TRPC6: variants seen among roughly 807,000 people sequenced by gnomAD.
The protein encoded by TRPC6 is short transient receptor potential channel 6.
Under a neutral mutation model 90.7 loss-of-function variants are expected in TRPC6, and 55 were observed. That is an observed-to-expected ratio of 0.61 (90% CI 0.49 to 0.76). The LOEUF (loss-of-function observed/expected upper bound fraction) is 0.76, where lower values mean the gene tolerates loss of function less well. Among genes scored for constraint, TRPC6 ranks in the 30% least tolerant of loss-of-function variants. The pLI is 0.00. For missense variants in TRPC6, 989 were observed against 1,122.7 expected, an observed-to-expected ratio of 0.88 and a Z score of 1.70; for synonymous variants, 393 against 393.0, an observed-to-expected ratio of 1.00 and a Z score of 0.00.
intron 1 of TRPC6, among the ~76,000 whole-genome samples, chr11:101,542,619 A>AAC (rs1431228993): frequency 2.6e-5 from 4 of 151,948 alleles, no homozygotes; most frequent in Non-Finnish European, 5.9e-5. Flanking sequence ...TAAAAAAAAA[A>AAC]ACACAAGAAA....
intron 4 of TRPC6, among the ~76,000 whole-genome samples, chr11:101,487,701 T>C (rs1487298010): frequency 1.3e-5 from 2 of 152,178 alleles, no homozygotes; most frequent in Admixed American, 1.3e-4. Flanking sequence ...AATTGCACTA[T>C]TTTCATTTTA....
Position 101,471,356 on chromosome 11 carries a change from T to C in TRPC6, c.2236A>G (p.Arg746Gly). The C allele has an allele frequency of 6.2e-7, 1 of 1,613,888 alleles. No homozygotes were observed. The highest frequency in any genetic ancestry group is 8.5e-7 in the Non-Finnish European group (1 of 1,179,838). Residue 746 changes from arginine (R) to glycine (G), a missense_variant, in exon 9 of 13, where the codon AGG (arginine) becomes GGG (glycine). By Grantham distance (125) the Arg-to-Gly change is moderately radical (BLOSUM62 -2). Transcript: ENST00000344327. ...AAGTAGGAAAACCAGAGTTTGGCCC[T>C]TGCAAATTTCCACTCCACATCAGCG... ...DDADVEWKFARAKLWFSYFEE... is the reference protein window; with the variant it reads ...DDADVEWKFAGAKLWFSYFEE...
At chr11:101,507,845 T>C (rs191200789) in intron 1 of TRPC6, among the ~76,000 whole-genome samples, 1 of 152,222 alleles carries the variant, frequency 6.6e-6, no homozygotes, top group East Asian at 1.9e-4. Context: ...TTAGAAATAG[T>C]CTTGCCCTAT....
At chr11:101,498,254 T>A (rs1251458534) in intron 2 of TRPC6, among the ~76,000 whole-genome samples, 4 of 152,332 alleles carry the variant, frequency 2.6e-5, no homozygotes, top group East Asian at 3.9e-4. Flanking sequence ...AAGCTTAAGA[T>A]GGCTGAGGTC....
At chr11:101,531,825 C>T (rs1026553847) in intron 1 of TRPC6, among the ~76,000 whole-genome samples, 2 of 152,134 alleles carry the variant, frequency 1.3e-5, no homozygotes, top group African/African-American at 2.4e-5. Context: ...CTCTTCTCCC[C>T]GTTCTTTCTG....
At chr11:101,457,451 T>TTAAG (rs1302134659) in intron 10 of TRPC6, among the ~76,000 whole-genome samples, 1 of 152,208 alleles carries the variant, frequency 6.6e-6, no homozygotes, top group Non-Finnish European at 1.5e-5. Context: ...ACAAGTAATT[T>TTAAG]TAAGTCTTTA....
At chr11:101,571,851 C>A (rs1038695825) in intron 1 of TRPC6, among the ~76,000 whole-genome samples, 3 of 152,168 alleles carry the variant, frequency 2.0e-5, no homozygotes, top group African/African-American at 7.2e-5. Flanking sequence ...CTTCCTTACA[C>A]CTTCTACAAA....
At chr11:101,502,704 C>G (rs1362026273) in intron 2 of TRPC6, among the ~76,000 whole-genome samples, 2 of 152,200 alleles carry the variant, frequency 1.3e-5, no homozygotes, top group Admixed American at 6.5e-5. Context: ...GGACCATTTA[C>G]TTGTCTTGCC....
In TRPC6 at chr11:101,479,650, C is replaced by A. The variant is rs1216318838; in HGVS notation, c.1511-3116G>T. ...ATAACTTCAAAGAAGAAAATAAATA[C>A]CAATGTCAGAAACTGAACCAGGAAT... On this transcript the variant is annotated intron_variant, in intron 5 of 12. Coordinates refer to ENST00000344327, the MANE Select transcript of TRPC6 (RefSeq NM_004621.6). Among the ~76,000 whole-genome samples the A allele has an allele frequency of 2.6e-5, 4 of 152,082 alleles. No individual in the cohort carries two copies. In the South Asian group the frequency reaches 8.3e-4, roughly 32 times the overall value.
intron 8 of TRPC6, 130 bp from the exon 9 acceptor site, chr11:101,471,516 A>AT (rs1445918826): frequency 1.1e-4 from 107 of 988,066 alleles, no homozygotes; most frequent in Middle Eastern, 3.1e-4. Flanking sequence ...TCGTTCCAAG[A>AT]TTTTTTCAAA....
chr11:101,554,417 A>G (rs1456818921), intron 1 of TRPC6, among the ~76,000 whole-genome samples: 1 of 151,970 alleles, frequency 6.6e-6, no homozygotes, highest in Non-Finnish European at 1.5e-5. Context: ...GTAAAAAAAA[A>G]AAATTAACCT....
At chr11:101,562,521 A>G (rs1861737097) in intron 1 of TRPC6, among the ~76,000 whole-genome samples, 1 of 152,136 alleles carries the variant, frequency 6.6e-6, no homozygotes, top group Non-Finnish European at 1.5e-5. Context: ...TTGTTTCTAT[A>G]AAACCTGAAA....
At chr11:101,515,740 G>A (rs1860501881) in intron 1 of TRPC6, among the ~76,000 whole-genome samples, 1 of 152,040 alleles carries the variant, frequency 6.6e-6, no homozygotes, top group African/African-American at 2.4e-5. Context: ...ATGAAATATA[G>A]CAATTTGATG....
rs1481293245 is a variant in TRPC6, at chr11:101,499,713, ATTTT to A, written c.945+4307_945+4310del. Among the ~76,000 whole-genome samples the A allele has an allele frequency of 6.1e-4, 37 of 60,902 alleles. 8 individuals are homozygous for A. The highest frequency in any genetic ancestry group is 1.8e-3 in the African/African-American group (22 of 11,956). The allele number at this position is 60,902 out of a possible 152,430, so 40.0% of individuals were successfully genotyped here. ...ATAAAATGTGTATATATATATACAC[ATTTT>A]ATATTGTGTATATGTGTATATATAT... On this transcript the variant is annotated intron_variant, in intron 2 of 12. Transcript: ENST00000344327.
intron 5 of TRPC6, among the ~76,000 whole-genome samples, chr11:101,482,115 T>A (rs1406620897): frequency 6.6e-6 from 1 of 152,162 alleles, no homozygotes; most frequent in African/African-American, 2.4e-5. Flanking sequence ...GTTCATAATA[T>A]CCCAATAACT....
chr11:101,520,243 C>T (rs979981895), intron 1 of TRPC6, among the ~76,000 whole-genome samples: 8 of 152,006 alleles, frequency 5.3e-5, no homozygotes, highest in African/African-American at 1.7e-4. Flanking sequence ...TCTCACCTCC[C>T]GCTTCACCCT....
chr11:101,463,002 A>C (rs1045958721), intron 10 of TRPC6, among the ~76,000 whole-genome samples: 2 of 152,166 alleles, frequency 1.3e-5, no homozygotes, highest in Non-Finnish European at 2.9e-5. Context: ...TAGTTTATTG[A>C]GAGTTTTTAG....
At chr11:101,550,664 A>T (rs575085798) in intron 1 of TRPC6, among the ~76,000 whole-genome samples, 1 of 151,838 alleles carries the variant, frequency 6.6e-6, no homozygotes, top group South Asian at 2.1e-4. Context: ...TTTATATATA[A>T]ATGTTTCCTA....
intron 2 of TRPC6, among the ~76,000 whole-genome samples, chr11:101,491,998 G>A (rs1484709436): frequency 4.6e-5 from 7 of 151,608 alleles, no homozygotes; most frequent in South Asian, 4.2e-4. Context: ...CCGCCACCAC[G>A]CCCGGCTAAT....
Sources: allele counts gnomAD v4.1 joint callset (sites outside exome capture counted in the v4.1 genomes callset), GRCh38; gene constraint gnomAD v4.1.1; transcripts MANE v1.5; gene names NCBI Gene and HGNC (gene_info 2026-07-23, HGNC 2026-07-21).